Variants in GALNT13 observed in about 807,000 individuals in gnomAD.
GALNT13 encodes polypeptide N-acetylgalactosaminyltransferase 13.
GALNT13 carries 28 observed loss-of-function variants against 64.2 expected under a neutral mutation model. That is an observed-to-expected ratio of 0.44 (90% confidence interval 0.32 to 0.60). The LOEUF (loss-of-function observed/expected upper bound fraction) is 0.60. Ranked by LOEUF, GALNT13 falls within the 20% of genes least tolerant of loss-of-function variation. The pLI, the probability that GALNT13 is intolerant of heterozygous loss-of-function variation, is 0.05. For missense variants in GALNT13, 577 were observed against 669.8 expected, an observed-to-expected ratio of 0.86 and a Z score of 1.53; for synonymous variants, 214 against 224.6, an observed-to-expected ratio of 0.95 and a Z score of 0.42.
At chr2:154,034,596 A>G (rs1030023591) in intron 3 of GALNT13, among the ~76,000 whole-genome samples, 6 of 135,402 alleles carry the variant, frequency 4.4e-5, no homozygotes, top group Admixed American at 3.5e-4. Context: ...TCACACTCCC[A>G]TCCTTTCAAG....
intron 4 of GALNT13, among the ~76,000 whole-genome samples, chr2:154,167,047 A>T (rs1186511372): frequency 6.6e-6 from 1 of 152,162 alleles, no homozygotes. Flanking sequence ...TAATGGGTGC[A>T]GCACACCAAC....
At chr2:153,933,347 G>C (rs572913125) in intron 2 of GALNT13, among the ~76,000 whole-genome samples, 1 of 152,188 alleles carries the variant, frequency 6.6e-6, no homozygotes, top group East Asian at 1.9e-4. Context: ...GATCTTTGTT[G>C]CTTTAAAGTC....
At chr2:153,918,196 G>A (rs750038719) in intron 2 of GALNT13, among the ~76,000 whole-genome samples, 54 of 152,104 alleles carry the variant, frequency 3.6e-4, no homozygotes, top group Non-Finnish European at 6.0e-4. Context: ...GAAATACTGT[G>A]TTTGAAAAAT....
At chr2:153,533,374 C>T in the GALNT13 span, among the ~76,000 whole-genome samples, 1 of 152,026 alleles carries the variant, frequency 6.6e-6, no homozygotes, top group Non-Finnish European at 1.5e-5. Flanking sequence ...ACCTCAGCCT[C>T]ACAAGTAGCT....
At chr2:153,098,287 A>G in the GALNT13 span, among the ~76,000 whole-genome samples, 4 of 152,178 alleles carry the variant, frequency 2.6e-5, no homozygotes, top group African/African-American at 4.8e-5. Context: ...CTTGCTTATC[A>G]TAACTGTTTG....
intron 9 of GALNT13, among the ~76,000 whole-genome samples, chr2:154,315,798 T>C (rs1299006910): frequency 1.3e-5 from 2 of 152,226 alleles, no homozygotes; most frequent in Non-Finnish European, 2.9e-5. Flanking sequence ...AAATTACATA[T>C]AATATTTGCA....
At chr2:153,826,740 C>T in the GALNT13 span, among the ~76,000 whole-genome samples, 1 of 152,022 alleles carries the variant, frequency 6.6e-6, no homozygotes, top group Non-Finnish European at 1.5e-5. Context: ...AGATGAAAAG[C>T]TCTTTCACTT....
At chr2:153,743,927 C>T in the GALNT13 span, among the ~76,000 whole-genome samples, 12,057 of 152,092 alleles carry the variant, frequency 0.079, 1,024 homozygotes, top group African/African-American at 0.21. Context: ...TAGGCCTGTT[C>T]GTCTTCCTGT....
At chr2:154,086,779 C>A (rs2105428606) in intron 3 of GALNT13, among the ~76,000 whole-genome samples, 1 of 152,256 alleles carries the variant, frequency 6.6e-6, no homozygotes, top group East Asian at 1.9e-4. Flanking sequence ...CGCACACACA[C>A]ACACACGCGC....
chr2:154,265,450 A>G (rs1444775022), intron 8 of GALNT13, among the ~76,000 whole-genome samples: 1 of 152,032 alleles, frequency 6.6e-6, no homozygotes, highest in East Asian at 1.9e-4. Flanking sequence ...TGTAATCCCA[A>G]CACTTTGTGA....
At chr2:153,659,221 G>A in the GALNT13 span, among the ~76,000 whole-genome samples, 3 of 151,796 alleles carry the variant, frequency 2.0e-5, no homozygotes. Flanking sequence ...ACATTTTTTG[G>A]GGCCCAATAG....
At chr2:153,456,552 G>T in the GALNT13 span, among the ~76,000 whole-genome samples, 6 of 152,268 alleles carry the variant, frequency 3.9e-5, no homozygotes, top group Admixed American at 6.5e-5. Flanking sequence ...ATATCCATTT[G>T]TGTGTACTGA....
At chr2:153,187,685 A>G in the GALNT13 span, 2 of 152,208 alleles carry the variant, frequency 1.3e-5, no homozygotes, top group African/African-American at 4.8e-5. Flanking sequence ...AAGTAAATAT[A>G]TGGGAAAACA....
In GALNT13 at chr2:154,242,841, G is replaced by A; in HGVS notation, c.622G>A (p.Asp208Asn). The change falls in exon 6 of 13, where the codon GAT becomes AAT. Residue 208 changes from aspartate to asparagine, a missense_variant. This residue lies in a region of GALNT13 where 341 missense variants were observed against 379.3 expected (regional missense o/e 0.90). Transcript: ENST00000392825. ...ASKGQVITFLDAHCECTLGWL... is the reference protein window; with the variant it reads ...ASKGQVITFLNAHCECTLGWL... ...AAAAGGGCAGGTCATAACTTTTCTT[G>A]ATGCACACTGTGAATGCACGTTAGG... is the stretch of plus-strand genomic sequence containing the variant. 6.2e-7 allele frequency: 1 copy of A among 1,614,156 alleles called. No individual in the cohort carries two copies. Among genetic ancestry groups the A allele is most frequent in the Non-Finnish European group, 8.5e-7 (1 of 1,180,020 alleles).
intron 9 of GALNT13, among the ~76,000 whole-genome samples, chr2:154,362,116 G>A (rs1197034859): frequency 1.2e-5 from 1 of 85,888 alleles, no homozygotes; most frequent in Non-Finnish European, 2.8e-5. Context: ...ACAACTGAGT[G>A]TCCACAGGAA....
chr2:153,181,549 A>G, the GALNT13 span, among the ~76,000 whole-genome samples: 5 of 149,948 alleles, frequency 3.3e-5, no homozygotes, highest in Non-Finnish European at 7.4e-5. Flanking sequence ...TATGCTCAAT[A>G]TTTAATAATT....
the GALNT13 span, among the ~76,000 whole-genome samples, chr2:153,430,814 A>G: frequency 6.6e-6 from 1 of 152,024 alleles, no homozygotes; most frequent in South Asian, 2.1e-4. Flanking sequence ...TTATATTTCT[A>G]TATAGGGTTT....
chr2:153,882,832 G>T (rs1413841733), intron 1 of GALNT13, among the ~76,000 whole-genome samples: 2 of 151,340 alleles, frequency 1.3e-5, no homozygotes, highest in African/African-American at 4.8e-5. Context: ...ATCTTGCTAT[G>T]CTACCCAGGC....
At chr2:153,580,655 G>T in the GALNT13 span, among the ~76,000 whole-genome samples, 1 of 152,284 alleles carries the variant, frequency 6.6e-6, no homozygotes, top group Non-Finnish European at 1.5e-5. Context: ...TATCTTGTGA[G>T]GGAAACAAGC....
Sources: gnomAD v4.1 joint callset for allele counts (sites outside exome capture counted in the v4.1 genomes callset) on GRCh38, gnomAD v4.1.1 for gene constraint, gnomAD v4.1.1 regional missense constraint, MANE v1.5 for transcripts, NCBI Gene and HGNC (gene_info 2026-07-23, HGNC 2026-07-21) for gene names.